NKAIN2: variants seen among roughly 807,000 people sequenced by gnomAD.
NKAIN2 encodes the protein sodium/potassium-transporting ATPase subunit beta-1-interacting protein 2.
In NKAIN2, 14 loss-of-function variants were observed where a neutral mutation model predicts 32.6. That is an observed-to-expected ratio of 0.43 (90% CI 0.28 to 0.67). The LOEUF (loss-of-function observed/expected upper bound fraction) is 0.67, where lower values mean the gene tolerates loss of function less well. Ranked by LOEUF, NKAIN2 falls within the 30% of genes least tolerant of loss-of-function variation. The pLI is 0.17. For synonymous variants in NKAIN2, 80 were observed against 87.2 expected (o/e 0.92, Z 0.46); for missense variants, 198 against 258.3 (o/e 0.77, Z 1.60).
intron 3 of NKAIN2, among the ~76,000 whole-genome samples, chr6:124,559,905 T>C (rs370984209): frequency 2.4e-5 from 3 of 126,556 alleles, no homozygotes; most frequent in African/African-American, 8.9e-5. Flanking sequence ...TTCCACAAGA[T>C]AACCTAGACT....
intron 4 of NKAIN2, 42 bp downstream of exon 4, chr6:124,658,428 G>A (rs757884145): frequency 3.7e-6 from 6 of 1,613,918 alleles, no homozygotes; most frequent in Non-Finnish European, 4.2e-6. Context: ...TGCCTCTGGG[G>A]TTGTTTTATT....
At chr6:124,571,631 G>A (rs889294443) in intron 3 of NKAIN2, among the ~76,000 whole-genome samples, 2 of 152,126 alleles carry the variant, frequency 1.3e-5, no homozygotes, top group East Asian at 3.9e-4. Context: ...GGAACTGTAA[G>A]CCCAGTTAAC....
chr6:123,866,116 T>C (rs1264117235), intron 1 of NKAIN2, among the ~76,000 whole-genome samples: 5 of 152,172 alleles, frequency 3.3e-5, no homozygotes, highest in African/African-American at 9.7e-5. Flanking sequence ...CCCATGGCAG[T>C]TGCAACCAGA....
chr6:124,189,165 A>G (rs1474890842), intron 1 of NKAIN2, among the ~76,000 whole-genome samples: 1 of 152,194 alleles, frequency 6.6e-6, no homozygotes, highest in Non-Finnish European at 1.5e-5. Context: ...ATCAGAAATA[A>G]CCCAAGCAAC....
intron 1 of NKAIN2, among the ~76,000 whole-genome samples, chr6:124,189,155 A>G (rs953984359): frequency 6.6e-6 from 1 of 152,180 alleles, no homozygotes; most frequent in African/African-American, 2.4e-5. Flanking sequence ...ATTTCTTGCT[A>G]TCAGAAATAA....
At chr6:124,023,222 G>A (rs1007854208) in intron 1 of NKAIN2, among the ~76,000 whole-genome samples, 3 of 150,682 alleles carry the variant, frequency 2.0e-5, no homozygotes, top group African/African-American at 4.9e-5. Flanking sequence ...ACACACACAC[G>A]CACACACATA....
chr6:124,196,317 G>A (rs1047586287), intron 1 of NKAIN2, among the ~76,000 whole-genome samples: 11 of 152,162 alleles, frequency 7.2e-5, no homozygotes, highest in African/African-American at 2.2e-4. Context: ...TACATTGACT[G>A]CTTTCCAGGT....
intron 1 of NKAIN2, among the ~76,000 whole-genome samples, chr6:124,063,948 CAT>C (rs1783034571): frequency 6.6e-6 from 1 of 151,196 alleles, no homozygotes. Flanking sequence ...ACTTATAAAA[CAT>C]ATAATTTTTT....
rs144487565 is a variant in NKAIN2 at position 123,813,540 on chromosome 6, GA to G, written c.54+9287del. ...AACTATTGTAGATTTGGCCAGGTGT[GA>G]TGGCTCATGCCTGTAATACCAGCAC... is the stretch of plus-strand genomic sequence containing the variant. On this transcript the variant is annotated intron_variant, in intron 1 of 6. Coordinates refer to ENST00000368417, the MANE Select transcript of NKAIN2 (RefSeq NM_001040214.3). 7.9e-3 allele frequency among the ~76,000 whole-genome samples: 1,202 copies of G among 152,312 alleles called. 17 individuals carry two copies. The highest frequency in any genetic ancestry group is 0.028 in the African/African-American group (1,164 of 41,554).
intron 1 of NKAIN2, among the ~76,000 whole-genome samples, chr6:124,096,768 G>T (rs1396721694): frequency 6.8e-6 from 1 of 147,498 alleles, no homozygotes; most frequent in East Asian, 2.0e-4. Flanking sequence ...TGAGGCAGGG[G>T]AATGGCGTGA....
At chr6:124,036,930 TA>T (rs1781626436) in intron 1 of NKAIN2, among the ~76,000 whole-genome samples, 1 of 152,182 alleles carries the variant, frequency 6.6e-6, no homozygotes, top group African/African-American at 2.4e-5. Flanking sequence ...ATTCAGTTGA[TA>T]TTCTATCAAA....
At chr6:124,354,851 A>C (rs59546616) in intron 2 of NKAIN2, among the ~76,000 whole-genome samples, 4,241 of 151,366 alleles carry the variant, frequency 0.028, 206 homozygotes, top group East Asian at 0.11. Context: ...TAAGAAAAAA[A>C]AAAAAAAAAA....
chr6:124,441,519 C>T (rs1775687172), intron 3 of NKAIN2, among the ~76,000 whole-genome samples: 1 of 152,044 alleles, frequency 6.6e-6, no homozygotes, highest in African/African-American at 2.4e-5. Flanking sequence ...ATTTGGGACA[C>T]ATGTCTTTAG....
intron 1 of NKAIN2, among the ~76,000 whole-genome samples, chr6:124,274,973 C>G (rs941654692): frequency 6.6e-6 from 1 of 152,016 alleles, no homozygotes; most frequent in African/African-American, 2.4e-5. Context: ...ACTTGTTAAG[C>G]TCAATTAAAC....
At position 124,526,142 on chromosome 6, in the gene NKAIN2, A is replaced by G. The variant is rs137979708; in HGVS notation, c.274-132044A>G. Reference sequence around the variant, plus strand: ...AAATGATCATATATATAAAGGTGCAAAAGCAAGACATGGCAAGCAATATGA... The same window carrying G: ...AAATGATCATATATATAAAGGTGCAGAAGCAAGACATGGCAAGCAATATGA... On this transcript the variant is annotated intron_variant, in intron 3 of 6. Coordinates refer to ENST00000368417, the MANE Select transcript of NKAIN2 (RefSeq NM_001040214.3). Among the ~76,000 whole-genome samples, 278 of 152,246 alleles carry G rather than the reference A, an allele frequency of 1.8e-3. 1 individual carries two copies. The highest frequency in any genetic ancestry group is 6.5e-3 in the African/African-American group (270 of 41,570).
At chr6:124,517,750 A>G (rs377641944) in intron 3 of NKAIN2, among the ~76,000 whole-genome samples, 19 of 152,314 alleles carry the variant, frequency 1.2e-4, no homozygotes, top group African/African-American at 4.6e-4. Flanking sequence ...TAAAATGTTA[A>G]TATGACTAAT....
chr6:124,704,793 A>G (rs1774971082), intron 4 of NKAIN2, among the ~76,000 whole-genome samples: 1 of 152,008 alleles, frequency 6.6e-6, no homozygotes, highest in Non-Finnish European at 1.5e-5. Context: ...ATAGAACCAG[A>G]GCGTCTAATA....
chr6:124,403,105 A>G (rs1407987151), intron 3 of NKAIN2, among the ~76,000 whole-genome samples: 3 of 152,260 alleles, frequency 2.0e-5, no homozygotes, highest in East Asian at 3.9e-4. Flanking sequence ...TAAAATTGTT[A>G]TTTTTAGAAT....
intron 5 of NKAIN2, among the ~76,000 whole-genome samples, chr6:124,807,506 T>G (rs1380010412): frequency 6.7e-6 from 1 of 149,294 alleles, no homozygotes; most frequent in Non-Finnish European, 1.5e-5. Context: ...AGAGGGAAAT[T>G]TATAGCACTA....
Sources: allele counts gnomAD v4.1 joint callset (sites outside exome capture counted in the v4.1 genomes callset), GRCh38; gene constraint gnomAD v4.1.1; transcripts MANE v1.5; gene names NCBI Gene and HGNC (gene_info 2026-07-23, HGNC 2026-07-21).